The following ENTREP2 variants were observed in gnomAD, a reference collection of about 807,000 sequenced individuals.
ENTREP2 encodes the protein endosomal transmembrane epsin interactor 2, also known as protein ENTREP2.
chr15:29,507,066 C>A, the ENTREP2 span, among the ~76,000 whole-genome samples: 1 of 151,036 alleles, frequency 6.6e-6, no homozygotes, highest in African/African-American at 2.4e-5. Context: ...GGAAGATTTA[C>A]CAAGCAAATG....
At chr15:29,355,814 C>G in the ENTREP2 span, among the ~76,000 whole-genome samples, 1 of 152,128 alleles carries the variant, frequency 6.6e-6, no homozygotes, top group African/African-American at 2.4e-5. Context: ...CGTAAGAGAG[C>G]TGAAGTCAGA....
the ENTREP2 span, among the ~76,000 whole-genome samples, chr15:29,262,679 CG>C: frequency 2.0e-5 from 3 of 152,198 alleles, no homozygotes; most frequent in Non-Finnish European, 4.4e-5. Context: ...AACCAGTAAA[CG>C]TAAGTGTTTC....
At chr15:29,619,382 G>A in the ENTREP2 span, among the ~76,000 whole-genome samples, 11 of 152,102 alleles carry the variant, frequency 7.2e-5, no homozygotes, top group Non-Finnish European at 1.6e-4. Context: ...GACAGAGCGA[G>A]ACTCCATCTC....
chr15:29,551,464 C>T, the ENTREP2 span, among the ~76,000 whole-genome samples: 3 of 152,082 alleles, frequency 2.0e-5, no homozygotes. Context: ...AGAACCCTGA[C>T]CTCTGTGCTT....
the ENTREP2 span, among the ~76,000 whole-genome samples, chr15:29,153,416 T>C: frequency 9.2e-5 from 14 of 152,174 alleles, no homozygotes; most frequent in Non-Finnish European, 1.5e-4. Flanking sequence ...TGCTTCCTGG[T>C]TGAAGATGGC....
chr15:29,409,347 TC>T, the ENTREP2 span, among the ~76,000 whole-genome samples: 1 of 152,046 alleles, frequency 6.6e-6, no homozygotes, highest in Non-Finnish European at 1.5e-5. Flanking sequence ...AATTAATTTT[TC>T]TTTTTTTTTT....
the ENTREP2 span, among the ~76,000 whole-genome samples, chr15:29,149,143 T>C: frequency 6.6e-6 from 1 of 152,186 alleles, no homozygotes; most frequent in Admixed American, 6.5e-5. Flanking sequence ...AGTGCTGGGA[T>C]TACAAGCGTG....
the ENTREP2 span, among the ~76,000 whole-genome samples, chr15:29,205,614 A>G: frequency 2.6e-5 from 4 of 152,172 alleles, no homozygotes; most frequent in African/African-American, 9.7e-5. Context: ...CCATTTGTAT[A>G]TATTATTTGG....
chr15:29,545,149 C>T, the ENTREP2 span, among the ~76,000 whole-genome samples: 1 of 152,220 alleles, frequency 6.6e-6, no homozygotes, highest in Non-Finnish European at 1.5e-5. Context: ...CTGACTCACA[C>T]ACTGTAAGGA....
the ENTREP2 span, among the ~76,000 whole-genome samples, chr15:29,253,075 A>G: frequency 1.3e-5 from 2 of 152,232 alleles, no homozygotes; most frequent in African/African-American, 4.8e-5. Flanking sequence ...CTGAAAACAT[A>G]GCCAAAATAG....
the ENTREP2 span, among the ~76,000 whole-genome samples, chr15:29,187,278 C>CT: frequency 1.3e-4 from 19 of 151,336 alleles, no homozygotes; most frequent in South Asian, 4.2e-4. Flanking sequence ...TTCTTTTCTT[C>CT]TTTTTTTTTC....
the ENTREP2 span, among the ~76,000 whole-genome samples, chr15:29,278,069 A>AG: frequency 1.3e-5 from 2 of 152,224 alleles, no homozygotes; most frequent in Non-Finnish European, 2.9e-5. Flanking sequence ...AGGTGACTGT[A>AG]GGAGTCCTGG....
At chr15:29,184,008 T>G in the ENTREP2 span, among the ~76,000 whole-genome samples, 1 of 151,724 alleles carries the variant, frequency 6.6e-6, no homozygotes, top group Non-Finnish European at 1.5e-5. Flanking sequence ...TGAGACAGAG[T>G]CTTGTTCTGT....
chr15:29,551,807 A>AAGCAAGGGAGAAGCAAGT, the ENTREP2 span, among the ~76,000 whole-genome samples: 1 of 147,826 alleles, frequency 6.8e-6, no homozygotes, highest in Admixed American at 6.6e-5. Flanking sequence ...TGGAAGCAAG[A>AAGCAAGGGAGAAGCAAGT]AGCAAGGGAG....
chr15:29,542,300 C>A, the ENTREP2 span, among the ~76,000 whole-genome samples: 52 of 152,224 alleles, frequency 3.4e-4, no homozygotes, highest in African/African-American at 1.2e-3. Context: ...CAGGCATGAG[C>A]CAGCACACCC....
the ENTREP2 span, among the ~76,000 whole-genome samples, chr15:29,643,310 G>A: frequency 6.6e-6 from 1 of 152,134 alleles, no homozygotes; most frequent in African/African-American, 2.4e-5. Context: ...CTGAAAAGTG[G>A]ACAAAGGATT....
the ENTREP2 span, among the ~76,000 whole-genome samples, chr15:29,514,467 A>G: frequency 6.6e-6 from 1 of 152,242 alleles, no homozygotes; most frequent in African/African-American, 2.4e-5. Flanking sequence ...ACTGATGGAC[A>G]CTTGGGTAGC....
At chr15:29,423,220 T>C in the ENTREP2 span, among the ~76,000 whole-genome samples, 3 of 152,270 alleles carry the variant, frequency 2.0e-5, no homozygotes, top group South Asian at 4.1e-4. Flanking sequence ...ACATTTAACA[T>C]CTTGTATACA....
the ENTREP2 span, chr15:29,452,431 G>A: frequency 6.6e-6 from 1 of 152,224 alleles, no homozygotes; most frequent in Non-Finnish European, 1.5e-5. Context: ...CATGCCACAT[G>A]GTATGGAATG....
Sources: gnomAD v4.1 joint callset for allele counts (sites outside exome capture counted in the v4.1 genomes callset) on GRCh38, gnomAD v4.1.1 for gene constraint, MANE v1.5 for transcripts, NCBI Gene and HGNC (gene_info 2026-07-23, HGNC 2026-07-21) for gene names.